Variants in CDH20 observed in about 807,000 individuals in gnomAD.
CDH20 encodes the protein cadherin-20.
CDH20 carries 29 observed loss-of-function variants against 74.2 expected under a neutral mutation model. That is an observed-to-expected ratio of 0.39 (90% CI 0.29 to 0.53). CDH20 has a LOEUF of 0.53. CDH20 is among the 20% of genes least tolerant of loss of function. The pLI is 0.69. For synonymous variants in CDH20, 469 were observed against 405.4 expected (o/e 1.16, Z -1.88); for missense variants, 988 against 1,048.3 (o/e 0.94, Z 0.79).
chr18:61,464,246 G>T (rs934538477), intron 1 of CDH20, among the ~76,000 whole-genome samples: 1 of 151,702 alleles, frequency 6.6e-6, no homozygotes, highest in Non-Finnish European at 1.5e-5. Context: ...GCATGTTTAT[G>T]CTTCTAACTT....
intron 1 of CDH20, among the ~76,000 whole-genome samples, chr18:61,433,252 G>A (rs73447322): frequency 0.011 from 1,657 of 152,192 alleles, 29 homozygotes; most frequent in African/African-American, 0.038. Context: ...AGAATAAATG[G>A]CAAGTGTTAC....
chr18:61,525,334 A>T (rs1912356005), intron 6 of CDH20, among the ~76,000 whole-genome samples: 1 of 152,208 alleles, frequency 6.6e-6, no homozygotes, highest in African/African-American at 2.4e-5. Flanking sequence ...AAGGGAAAAC[A>T]AGTTTTGCCT....
intron 1 of CDH20, among the ~76,000 whole-genome samples, chr18:61,424,288 G>A (rs1912992789): frequency 6.6e-6 from 1 of 152,208 alleles, no homozygotes; most frequent in African/African-American, 2.4e-5. Context: ...TAGCTACAGT[G>A]AGCATTTCAC....
intron 6 of CDH20, among the ~76,000 whole-genome samples, chr18:61,514,302 G>A (rs1448669663): frequency 6.6e-6 from 1 of 152,056 alleles, no homozygotes; most frequent in African/African-American, 2.4e-5. Context: ...CAGCTCCTGA[G>A]GCTTCTGCAT....
chr18:61,340,925 A>G (rs187899826), intron 1 of CDH20, among the ~76,000 whole-genome samples: 49 of 152,356 alleles, frequency 3.2e-4, no homozygotes, highest in Admixed American at 1.2e-3. Flanking sequence ...GGTGTTGAGC[A>G]CTAAAATAAG....
At chr18:61,519,598 C>T (rs1231747257) in intron 6 of CDH20, among the ~76,000 whole-genome samples, 7 of 151,194 alleles carry the variant, frequency 4.6e-5, no homozygotes, top group Non-Finnish European at 8.8e-5. Flanking sequence ...ACCAGGCCTG[C>T]CTTAAAAGAA....
chr18:61,397,650 CAG>C (rs1356535494), intron 1 of CDH20, among the ~76,000 whole-genome samples: 1 of 152,136 alleles, frequency 6.6e-6, no homozygotes, highest in Non-Finnish European at 1.5e-5. Flanking sequence ...TCCAGGAGAA[CAG>C]AGACTACCTC....
Position 61,514,752 on chromosome 18 carries a change from C to CCCTG in CDH20, c.1017+7195_1017+7198dup, listed in dbSNP as rs1257235011. On this transcript the variant is annotated intron_variant, in intron 6 of 11. Transcript: ENST00000262717. ...CCTCAGCTGCAGGTCTGTTGGAATA[C>CCCTG]CCTGCCGTGTGAGGTGTCAGTGTGC... Among the ~76,000 whole-genome samples the CCCTG allele has an allele frequency of 3.9e-5, 6 of 151,904 alleles. No homozygotes were observed. In the East Asian group the frequency reaches 7.8e-4, roughly 20 times the overall value.
chr18:61,534,017 T>C (rs1912738254), intron 7 of CDH20, among the ~76,000 whole-genome samples: 1 of 150,726 alleles, frequency 6.6e-6, no homozygotes, highest in Non-Finnish European at 1.5e-5. Context: ...ATAATTACTA[T>C]AGCTTTGTAA....
At chr18:61,421,211 T>C (rs1439841215) in intron 1 of CDH20, among the ~76,000 whole-genome samples, 4 of 152,164 alleles carry the variant, frequency 2.6e-5, no homozygotes, top group Admixed American at 6.5e-5. Context: ...AAAATAATGT[T>C]CGAGAAATTT....
chr18:61,431,771 G>T (rs1192619562), intron 1 of CDH20, among the ~76,000 whole-genome samples: 2 of 152,122 alleles, frequency 1.3e-5, no homozygotes, highest in African/African-American at 2.4e-5. Flanking sequence ...TTCTATAAAA[G>T]TTTGGTGTTG....
chr18:61,454,871 G>C (rs555981698), intron 1 of CDH20, among the ~76,000 whole-genome samples: 3 of 152,296 alleles, frequency 2.0e-5, no homozygotes, highest in Non-Finnish European at 2.9e-5. Flanking sequence ...GTGTTTATTG[G>C]GTAGAGACAG....
At chr18:61,520,332 A>AAAC (rs1912161308) in intron 6 of CDH20, among the ~76,000 whole-genome samples, 1 of 149,912 alleles carries the variant, frequency 6.7e-6, no homozygotes, top group African/African-American at 2.5e-5. Context: ...AAAAAAAAAA[A>AAAC]AGACAAAGAA....
intron 6 of CDH20, among the ~76,000 whole-genome samples, chr18:61,518,430 C>A (rs1260585773): frequency 1.4e-5 from 2 of 143,956 alleles, no homozygotes; most frequent in East Asian, 3.9e-4. Context: ...GATCAGGCAG[C>A]AATCTTTGCT....
At chr18:61,475,825 C>A (rs1308025901) in intron 1 of CDH20, among the ~76,000 whole-genome samples, 1 of 152,172 alleles carries the variant, frequency 6.6e-6, no homozygotes, top group Non-Finnish European at 1.5e-5. Context: ...GCATAGAATT[C>A]TCTTCTTTAG....
intron 8 of CDH20, 68 bp from the exon 9 acceptor site, chr18:61,538,956 C>A (rs916856630): frequency 2.0e-6 from 3 of 1,501,392 alleles, no homozygotes; most frequent in African/African-American, 1.7e-5. Flanking sequence ...CTAGCAAAAA[C>A]CATTACTCTT....
intron 1 of CDH20, among the ~76,000 whole-genome samples, chr18:61,410,873 G>A (rs1300005310): frequency 6.6e-6 from 1 of 152,132 alleles, no homozygotes; most frequent in Non-Finnish European, 1.5e-5. Context: ...AACTCATGAA[G>A]AAAATGACTG....
At chr18:61,389,223 G>T (rs1423452216) in intron 1 of CDH20, among the ~76,000 whole-genome samples, 1 of 152,094 alleles carries the variant, frequency 6.6e-6, no homozygotes, top group African/African-American at 2.4e-5. Context: ...TGGTTTAAAA[G>T]GATTGAAAAC....
chr18:61,411,604 ATATATATATATATATG>A (rs1912509479), intron 1 of CDH20, among the ~76,000 whole-genome samples: 1 of 136,722 alleles, frequency 7.3e-6, no homozygotes. Context: ...ATATATATAT[ATATATATATATATATG>A]TGAGATATGT....
Sources: gnomAD v4.1 joint callset for allele counts (sites outside exome capture counted in the v4.1 genomes callset) on GRCh38, gnomAD v4.1.1 for gene constraint, MANE v1.5 for transcripts, NCBI Gene and HGNC (gene_info 2026-07-23, HGNC 2026-07-21) for gene names.